Variants in RNF24 observed in about 807,000 individuals in gnomAD.
The protein encoded by RNF24 is ring finger protein 24.
A neutral mutation model predicts 20.0 loss-of-function variants in RNF24; 14 were observed. That is an observed-to-expected ratio of 0.70 (90% CI 0.46 to 1.10). The LOEUF (loss-of-function observed/expected upper bound fraction) is 1.10, where lower values mean the gene tolerates loss of function less well. RNF24 is among the 50% of genes least tolerant of loss of function. RNF24 has a pLI of 0.00. For synonymous variants in RNF24, 45 were observed against 61.1 expected (o/e 0.74, Z 1.23); for missense variants, 124 against 177.6 (o/e 0.70, Z 1.71).
intron 4 of RNF24, among the ~76,000 whole-genome samples, chr20:3,944,429 G>A (rs373039419): frequency 6.6e-6 from 1 of 152,028 alleles, no homozygotes; most frequent in Non-Finnish European, 1.5e-5. Context: ...GAAGAGACTG[G>A]CAATTTAGCT....
intron 1 of RNF24, among the ~76,000 whole-genome samples, chr20:3,974,046 C>T (rs774953773): frequency 2.7e-5 from 4 of 148,622 alleles, no homozygotes; most frequent in South Asian, 2.1e-4. Flanking sequence ...TCAAGAGATG[C>T]GGGGCTGGCT....
At chr20:3,988,065 A>G (rs538676102) in intron 1 of RNF24, among the ~76,000 whole-genome samples, 1 of 152,128 alleles carries the variant, frequency 6.6e-6, no homozygotes, top group Non-Finnish European at 1.5e-5. Context: ...GCTCATGCCT[A>G]TAATCCCAGC....
intron 1 of RNF24, among the ~76,000 whole-genome samples, chr20:4,013,105 A>G (rs1027279039): frequency 2.0e-5 from 3 of 152,110 alleles, no homozygotes; most frequent in Non-Finnish European, 4.4e-5. Flanking sequence ...TATTTAAATC[A>G]TGCATTAAAA....
At chr20:4,005,157 AACAGGTTACTTCTTTG>A (rs1321841551) in intron 1 of RNF24, among the ~76,000 whole-genome samples, 27 of 78,756 alleles carry the variant, frequency 3.4e-4, no homozygotes, top group African/African-American at 1.1e-3. Flanking sequence ...TGTAAACCTG[AACAGGTTACTTCTTTG>A]ACATTTAGTT....
intron 1 of RNF24, among the ~76,000 whole-genome samples, chr20:4,000,664 G>A (rs184085435): frequency 9.2e-5 from 14 of 152,248 alleles, no homozygotes; most frequent in African/African-American, 3.4e-4. Context: ...TCAGCAGCCA[G>A]GCTAAGCTGG....
intron 1 of RNF24, among the ~76,000 whole-genome samples, chr20:3,991,988 C>G (rs1980485693): frequency 6.6e-6 from 1 of 151,978 alleles, no homozygotes; most frequent in Admixed American, 6.6e-5. Flanking sequence ...CTTGCTAATA[C>G]ACTACTTTTT....
intron 1 of RNF24, among the ~76,000 whole-genome samples, chr20:3,989,077 C>A (rs948600557): frequency 3.3e-5 from 5 of 152,052 alleles, no homozygotes; most frequent in African/African-American, 9.7e-5. Context: ...CAATTTAATG[C>A]AGATACAATT....
At chr20:3,976,200 T>C (rs6116139) in intron 1 of RNF24, among the ~76,000 whole-genome samples, 1,548 of 152,238 alleles carry the variant, frequency 0.01, 17 homozygotes, top group African/African-American at 0.035. Context: ...AGGAAACAAT[T>C]CAATTAGAAA....
intron 1 of RNF24, among the ~76,000 whole-genome samples, chr20:4,013,778 C>T (rs920096806): frequency 8.5e-5 from 13 of 152,294 alleles, no homozygotes; most frequent in African/African-American, 2.6e-4. Flanking sequence ...AGCCACCGCA[C>T]CCGACCCATA....
chr20:3,945,250 A>T (rs1239051952), intron 3 of RNF24, 32 bp from the exon 4 acceptor site: 2 of 1,549,466 alleles, frequency 1.3e-6, no homozygotes, highest in African/African-American at 2.8e-5. Flanking sequence ...TCTTATGCCC[A>T]TTTAAATCTG....
intron 1 of RNF24, among the ~76,000 whole-genome samples, chr20:3,976,903 C>T (rs910938910): frequency 3.9e-5 from 6 of 152,102 alleles, no homozygotes; most frequent in Admixed American, 2.0e-4. Flanking sequence ...TATAGTTTTA[C>T]AAGATGTTAT....
chr20:4,000,276 C>T (rs534946905), intron 1 of RNF24, among the ~76,000 whole-genome samples: 19 of 152,324 alleles, frequency 1.2e-4, no homozygotes, highest in African/African-American at 4.6e-4. Context: ...GTGATCCCAG[C>T]ACTTTGGGAG....
intron 1 of RNF24, among the ~76,000 whole-genome samples, chr20:4,005,907 C>T (rs1484173433): frequency 1.3e-5 from 2 of 152,140 alleles, no homozygotes; most frequent in Non-Finnish European, 2.9e-5. Flanking sequence ...GCTCATTATT[C>T]TTACAGTATG....
intron 2 of RNF24, among the ~76,000 whole-genome samples, chr20:3,951,245 C>G (rs1053756249): frequency 1.3e-5 from 2 of 152,186 alleles, no homozygotes; most frequent in African/African-American, 4.8e-5. Context: ...GCGTGAGCCA[C>G]CGCACCAGGC....
chr20:4,010,299 G>T (rs1433326278), intron 1 of RNF24, among the ~76,000 whole-genome samples: 2 of 152,150 alleles, frequency 1.3e-5, no homozygotes, highest in African/African-American at 4.8e-5. Context: ...CTTGAACCCG[G>T]GAAGCAGAGG....
At chr20:4,007,727 C>A (rs535491529) in intron 1 of RNF24, among the ~76,000 whole-genome samples, 4 of 143,012 alleles carry the variant, frequency 2.8e-5, no homozygotes, top group Non-Finnish European at 6.1e-5. Context: ...CATAGTGAGA[C>A]CCTGTCTCTA....
At chr20:3,983,619 T>C (rs1293817311) in intron 1 of RNF24, among the ~76,000 whole-genome samples, 1 of 152,158 alleles carries the variant, frequency 6.6e-6, no homozygotes, top group Non-Finnish European at 1.5e-5. Context: ...GTAATCTTTT[T>C]ATTTATATAT....
intron 4 of RNF24, among the ~76,000 whole-genome samples, chr20:3,944,188 T>TGACA: frequency 7.3e-6 from 1 of 136,140 alleles, no homozygotes; most frequent in African/African-American, 2.8e-5. Context: ...CCAGCCTGGA[T>TGACA]GACAGAGTAA....
intron 2 of RNF24, among the ~76,000 whole-genome samples, chr20:3,959,828 T>C (rs1014953359): frequency 6.6e-6 from 1 of 152,232 alleles, no homozygotes; most frequent in Non-Finnish European, 1.5e-5. Flanking sequence ...GAACCGTTCA[T>C]TCATTCACCC....
Sources: allele counts gnomAD v4.1 joint callset (sites outside exome capture counted in the v4.1 genomes callset), GRCh38; gene constraint gnomAD v4.1.1; transcripts MANE v1.5; gene names NCBI Gene and HGNC (gene_info 2026-07-23, HGNC 2026-07-21).